Variants in NAV2 observed in about 807,000 individuals in gnomAD.
The protein encoded by NAV2 is neuron navigator 2.
Under a neutral mutation model 223.2 loss-of-function variants are expected in NAV2, and 54 were observed. The ratio of observed to expected loss-of-function variants is 0.24; its 90% CI spans 0.19 to 0.30. The LOEUF (loss-of-function observed/expected upper bound fraction) is 0.30. Ranked by LOEUF, NAV2 falls within the 10% of genes least tolerant of loss-of-function variation. NAV2 has a pLI of 1.00. For missense variants in NAV2, 2,806 were observed against 3,147.5 expected (o/e 0.89, Z 2.60); for synonymous variants, 1,279 against 1,239.3 (o/e 1.03, Z -0.67).
chr11:20,054,134 G>A lies in NAV2; in HGVS notation c.4536G>A (p.Arg1512=), dbSNP rs1236251428. Residue 1512 remains arginine, a synonymous_variant, in exon 18 of 38, where the codon CGG becomes CGA. Coordinates refer to ENST00000349880, the MANE Select transcript of NAV2 (RefSeq NM_145117.5). ...RTQEDAKEWL[R]SHSAGGLQDT... ...AAGAAGATGCAAAAGAATGGTTACG[G>A]TCCCATTCTGCAGGAGGCCTTCAGG... The A allele has an allele frequency of 1.2e-6, 2 of 1,613,534 alleles. No homozygotes were observed. Among genetic ancestry groups the A allele is most frequent in the East Asian group, 4.5e-5 (2 of 44,840 alleles).
intron 1 of NAV2, among the ~76,000 whole-genome samples, chr11:19,528,509 G>A (rs2043914759): frequency 6.6e-6 from 1 of 152,156 alleles, no homozygotes; most frequent in Non-Finnish European, 1.5e-5. Context: ...CCAAAACAGG[G>A]ATGGACTCCG....
chr11:19,685,386 C>T (rs944890486), intron 1 of NAV2, among the ~76,000 whole-genome samples: 1 of 152,114 alleles, frequency 6.6e-6, no homozygotes, highest in African/African-American at 2.4e-5. Flanking sequence ...AGGTTTCAAG[C>T]AGCCCTTACT....
intron 1 of NAV2, among the ~76,000 whole-genome samples, chr11:19,421,256 T>C (rs557024530): frequency 1.3e-5 from 2 of 152,342 alleles, no homozygotes; most frequent in African/African-American, 4.8e-5. Flanking sequence ...TTTGCCCACC[T>C]GCTGCAGTCC....
chr11:19,552,897 G>T (rs527251319), intron 1 of NAV2, among the ~76,000 whole-genome samples: 5 of 151,858 alleles, frequency 3.3e-5, no homozygotes, highest in Non-Finnish European at 7.4e-5. Context: ...GTGTGTGTGG[G>T]GGGGAAGGGG....
At chr11:19,443,227 C>T in intron 1 of NAV2, among the ~76,000 whole-genome samples, 1 of 152,198 alleles carries the variant, frequency 6.6e-6, no homozygotes, top group East Asian at 1.9e-4. Flanking sequence ...GCCCTCTATG[C>T]CAGGCCTTAT....
At chr11:19,766,144 A>G (rs2055203757) in intron 1 of NAV2, among the ~76,000 whole-genome samples, 1 of 152,056 alleles carries the variant, frequency 6.6e-6, no homozygotes, top group Non-Finnish European at 1.5e-5. Flanking sequence ...ATTAATACAT[A>G]TAAGGACAAT....
At position 19,880,593 on chromosome 11, in the gene NAV2, C is replaced by G. The variant is rs575319391; in HGVS notation, c.770+466C>G. On this transcript the variant is annotated intron_variant, in intron 5 of 37. Coordinates refer to ENST00000349880, the MANE Select transcript of NAV2 (RefSeq NM_145117.5). Reference sequence around the variant, plus strand: ...AAAGAAAGGTGGCAAGGGAAGGAGGCAGCCATCCCTGAGCGGGGCAGTATC... The same window carrying G: ...AAAGAAAGGTGGCAAGGGAAGGAGGGAGCCATCCCTGAGCGGGGCAGTATC... 3.3e-5 allele frequency among the ~76,000 whole-genome samples: 5 copies of G among 152,326 alleles called. No homozygotes were observed. The South Asian group carries it at 1.0e-3, about 32-fold the overall frequency.
intron 1 of NAV2, among the ~76,000 whole-genome samples, chr11:19,762,608 CTTCT>C (rs1347524444): frequency 7.2e-5 from 10 of 138,336 alleles, no homozygotes; most frequent in African/African-American, 2.5e-4. Context: ...GCAGAGAAGT[CTTCT>C]TTTTTTTTTT....
At chr11:19,502,513 G>C (rs1378756535) in intron 1 of NAV2, among the ~76,000 whole-genome samples, 1 of 152,148 alleles carries the variant, frequency 6.6e-6, no homozygotes, top group South Asian at 2.1e-4. Flanking sequence ...GAAAAATGGG[G>C]CTAAGAATAA....
intron 6 of NAV2, among the ~76,000 whole-genome samples, chr11:19,931,409 G>A (rs2045325276): frequency 6.6e-6 from 1 of 152,144 alleles, no homozygotes; most frequent in Non-Finnish European, 1.5e-5. Context: ...CTGGAGCTGT[G>A]GCTTCCCCGA....
At chr11:20,051,212 C>G in intron 16 of NAV2, 77 bp from the exon 17 acceptor site, 1 of 1,257,614 alleles carries the variant, frequency 8.0e-7, no homozygotes. Context: ...GCCCTTCAGT[C>G]CCCTCCCTAG....
In NAV2 at chr11:19,721,241, T is replaced by G. The variant is rs541837771; in HGVS notation, c.267+7279T>G. Among the ~76,000 whole-genome samples, 3 of 152,364 alleles carry G rather than the reference T, an allele frequency of 2.0e-5. No homozygotes were observed. In the East Asian group the frequency reaches 5.8e-4, roughly 29 times the overall value. On this transcript the variant is annotated intron_variant, in intron 1 of 37. Transcript: ENST00000349880. ...CTTTAGCTTGGTAATACATATGCCA[T>G]TTGACTCCTCCCCCTGCCCTAGAGT...
At chr11:19,616,015 T>A (rs933045202) in intron 1 of NAV2, among the ~76,000 whole-genome samples, 2 of 152,118 alleles carry the variant, frequency 1.3e-5, no homozygotes, top group African/African-American at 4.8e-5. Flanking sequence ...TGATGTCCAC[T>A]TTATCTGACA....
intron 4 of NAV2, among the ~76,000 whole-genome samples, chr11:19,878,917 G>T (rs550841671): frequency 1.3e-5 from 2 of 152,232 alleles, no homozygotes; most frequent in Admixed American, 6.5e-5. Context: ...CTTGCTTCAC[G>T]TCTGCCTTTT....
intron 11 of NAV2, among the ~76,000 whole-genome samples, chr11:19,991,469 G>A (rs978892560): frequency 1.3e-5 from 2 of 152,036 alleles, no homozygotes; most frequent in African/African-American, 4.8e-5. Flanking sequence ...AGCTACTTAG[G>A]ACAATCTAGG....
intron 4 of NAV2, among the ~76,000 whole-genome samples, chr11:19,879,587 C>T (rs1366925101): frequency 2.6e-5 from 4 of 152,178 alleles, no homozygotes; most frequent in African/African-American, 9.7e-5. Flanking sequence ...CGGTCTTGCT[C>T]GAGACGCTTG....
intron 1 of NAV2, among the ~76,000 whole-genome samples, chr11:19,587,306 C>T (rs1007845976): frequency 6.6e-6 from 1 of 152,210 alleles, no homozygotes; most frequent in Non-Finnish European, 1.5e-5. Flanking sequence ...AAAGGGAATT[C>T]CCTGACCCCT....
At chr11:19,439,729 G>GGAA in intron 1 of NAV2, among the ~76,000 whole-genome samples, 1 of 152,230 alleles carries the variant, frequency 6.6e-6, no homozygotes, top group Admixed American at 6.5e-5. Context: ...CACTGTGACT[G>GGAA]ATGCAATTTC....
chr11:19,450,526 C>T (rs1292910965), intron 1 of NAV2, among the ~76,000 whole-genome samples: 1 of 152,164 alleles, frequency 6.6e-6, no homozygotes, highest in Non-Finnish European at 1.5e-5. Flanking sequence ...TTTCCAAATC[C>T]ATTAATGGCT....
Sources: gnomAD v4.1 joint callset for allele counts (sites outside exome capture counted in the v4.1 genomes callset) on GRCh38, gnomAD v4.1.1 for gene constraint, MANE v1.5 for transcripts, NCBI Gene and HGNC (gene_info 2026-07-23, HGNC 2026-07-21) for gene names.